The following UBE3A variants were observed in gnomAD, a reference collection of about 807,000 sequenced individuals.
UBE3A encodes the protein ubiquitin protein ligase E3A.
Under a neutral mutation model 83.4 loss-of-function variants are expected in UBE3A, and 6 were observed. That is an observed-to-expected ratio of 0.07 (90% CI 0.04 to 0.14). The LOEUF (loss-of-function observed/expected upper bound fraction) is 0.14, where lower values mean the gene tolerates loss of function less well. UBE3A is among the 10% of genes least tolerant of loss of function. The probability of loss-of-function intolerance (pLI) is 1.00; values close to 1 mark genes in which losing one functional copy is unlikely to be tolerated. For synonymous variants in UBE3A, 337 were observed against 355.4 expected (o/e 0.95, Z 0.58); for missense variants, 456 against 1,036.1 (o/e 0.44, Z 7.69).
intron 11 of UBE3A, among the ~76,000 whole-genome samples, chr15:25,352,763 ATT>A (rs1347679314): frequency 6.6e-6 from 1 of 152,346 alleles, no homozygotes; most frequent in East Asian, 1.9e-4. Flanking sequence ...TCATATTTAT[ATT>A]GAGAAAATTA....
intron 3 of UBE3A, chr15:25,407,161 G>A (rs1461559037): frequency 7.4e-7 from 1 of 1,347,754 alleles, no homozygotes; most frequent in Non-Finnish European, 9.8e-7. Context: ...ATAACCCCAT[G>A]TACCAGCTGA....
chr15:25,401,104 T>C (rs1253197842), intron 4 of UBE3A, among the ~76,000 whole-genome samples: 3 of 152,222 alleles, frequency 2.0e-5, no homozygotes, highest in African/African-American at 4.8e-5. Flanking sequence ...TAATGTTGTA[T>C]ATCACATTTT....
intron 6 of UBE3A, among the ~76,000 whole-genome samples, chr15:25,367,244 T>TATTTACAC (rs1566941681): frequency 1.3e-5 from 1 of 78,132 alleles, no homozygotes; most frequent in East Asian, 5.1e-4. Context: ...AATATGTAAA[T>TATTTACAC]ATTTGCATAT....
chr15:25,341,774 AT>A (rs1184794315), intron 11 of UBE3A, among the ~76,000 whole-genome samples: 13 of 139,584 alleles, frequency 9.3e-5, no homozygotes, highest in Non-Finnish European at 1.5e-4. Context: ...AAAAAAAAAA[AT>A]TTCATCTCAA....
chr15:25,417,124 T>G (rs1025543181), intron 1 of UBE3A, among the ~76,000 whole-genome samples: 1 of 152,082 alleles, frequency 6.6e-6, no homozygotes, highest in Non-Finnish European at 1.5e-5. Flanking sequence ...GGCAGTAAGC[T>G]GAAATATTCC....
chr15:25,339,338 G>T, intron 12 of UBE3A, 81 bp from the exon 13 acceptor site: 1 of 1,551,634 alleles, frequency 6.4e-7, no homozygotes, highest in South Asian at 1.1e-5. Flanking sequence ...CCTATTTTTA[G>T]ATTGTATATA....
intron 11 of UBE3A, among the ~76,000 whole-genome samples, chr15:25,342,167 C>A (rs2074952754): frequency 6.6e-6 from 1 of 152,204 alleles, no homozygotes; most frequent in East Asian, 1.9e-4. Flanking sequence ...CAAGAGAAAA[C>A]AAGTCTGCTG....
intron 1 of UBE3A, among the ~76,000 whole-genome samples, chr15:25,433,755 C>T (rs1894184237): frequency 6.6e-6 from 1 of 151,962 alleles, no homozygotes; most frequent in African/African-American, 2.4e-5. Context: ...CAAATAGTAA[C>T]GACTCATGTA....
intron 1 of UBE3A, chr15:25,412,949 TA>T: frequency 2.4e-6 from 1 of 421,104 alleles, no homozygotes; most frequent in Non-Finnish European, 4.7e-6. Context: ...ATTTTTTTTT[TA>T]ATTTTTTTCA....
At chr15:25,385,660 G>A (rs1318353976) in intron 4 of UBE3A, among the ~76,000 whole-genome samples, 2 of 152,076 alleles carry the variant, frequency 1.3e-5, no homozygotes, top group African/African-American at 2.4e-5. Flanking sequence ...TCTGAGATAG[G>A]ATAAGTGAGG....
At chr15:25,339,377 C>T (rs2074343457) in intron 12 of UBE3A, 120 bp from the exon 13 acceptor site, 3 of 1,255,626 alleles carry the variant, frequency 2.4e-6, no homozygotes, top group Non-Finnish European at 3.3e-6. Context: ...GCAAACTATA[C>T]ATTAATGCAA....
intron 1 of UBE3A, among the ~76,000 whole-genome samples, chr15:25,416,529 G>A (rs548848670): frequency 6.6e-6 from 1 of 152,032 alleles, no homozygotes; most frequent in Non-Finnish European, 1.5e-5. Flanking sequence ...CAGAGCACAA[G>A]GGGCTACGCA....
chr15:25,384,230 T>C (rs756159782), intron 4 of UBE3A, among the ~76,000 whole-genome samples: 22 of 152,016 alleles, frequency 1.4e-4, no homozygotes, highest in Admixed American at 3.3e-4. Context: ...GAGGCCAAGG[T>C]GGGCTGATCA....
chr15:25,422,601 T>G (rs1348601943), intron 1 of UBE3A, among the ~76,000 whole-genome samples: 1 of 151,858 alleles, frequency 6.6e-6, no homozygotes, highest in East Asian at 1.9e-4. Flanking sequence ...TCATACCATA[T>G]CCAAAAATAT....
At chr15:25,348,333 A>G in intron 11 of UBE3A, among the ~76,000 whole-genome samples, 1 of 152,180 alleles carries the variant, frequency 6.6e-6, no homozygotes. Flanking sequence ...AAAACTCAAC[A>G]GTAAAAAACC....
At chr15:25,435,994 T>G (rs1001669628) in intron 1 of UBE3A, among the ~76,000 whole-genome samples, 1 of 152,212 alleles carries the variant, frequency 6.6e-6, no homozygotes, top group African/African-American at 2.4e-5. Flanking sequence ...GCCTCACAAC[T>G]CTGGGGAAGT....
At chr15:25,358,685 T>G (rs921751258) in intron 7 of UBE3A, among the ~76,000 whole-genome samples, 6 of 152,206 alleles carry the variant, frequency 3.9e-5, no homozygotes, top group Non-Finnish European at 5.9e-5. Context: ...TCATTGTCAC[T>G]TTAAGTTTAA....
chr15:25,398,773 A>T lies in UBE3A; in HGVS notation c.62+6688T>A, dbSNP rs1242202005. ...GCGCACTGATTTTATTCTTTTATTT[A>T]TATATATATATATATATATATATAT... On this transcript the variant is annotated intron_variant, in intron 4 of 12. Transcript: ENST00000648336. Among the ~76,000 whole-genome samples, 25 of 17,480 alleles carry T rather than the reference A, an allele frequency of 1.4e-3. No individual in the cohort carries two copies. In the East Asian group the frequency reaches 0.052, roughly 36 times the overall value. The allele number at this position is 17,480 out of a possible 152,430, so 11.5% of individuals were successfully genotyped here. A position where few individuals can be genotyped will look rare whatever the true frequency, so the allele number is the denominator to read the frequency against.
chr15:25,345,677 AAATC>A (rs1485691046), intron 11 of UBE3A: 1 of 152,214 alleles, frequency 6.6e-6, no homozygotes, highest in African/African-American at 2.4e-5. Flanking sequence ...TCCCTACAGA[AAATC>A]AAAGTACATG....
Sources: allele counts gnomAD v4.1 joint callset (sites outside exome capture counted in the v4.1 genomes callset), GRCh38; gene constraint gnomAD v4.1.1; transcripts MANE v1.5; gene names NCBI Gene and HGNC (gene_info 2026-07-23, HGNC 2026-07-21).